CNNM1: variants seen among roughly 807,000 people sequenced by gnomAD.
CNNM1 encodes the protein metal transporter CNNM1.
Under a neutral mutation model 78.8 loss-of-function variants are expected in CNNM1, and 44 were observed. That is an observed-to-expected ratio of 0.56 (90% confidence interval 0.44 to 0.72). The LOEUF (loss-of-function observed/expected upper bound fraction) is 0.72, where lower values mean the gene tolerates loss of function less well. Among genes scored for constraint, CNNM1 ranks in the 30% least tolerant of loss-of-function variants. CNNM1 has a pLI of 0.00. For missense variants in CNNM1, 1,101 were observed against 1,292.2 expected (o/e 0.85, Z 2.27); for synonymous variants, 584 against 581.5 (o/e 1.00, Z -0.06).
chr10:99,343,106 G>A (rs951346233), intron 1 of CNNM1, among the ~76,000 whole-genome samples: 1 of 151,968 alleles, frequency 6.6e-6, no homozygotes, highest in Non-Finnish European at 1.5e-5. Flanking sequence ...GGGATTACAG[G>A]CGCCTGCCAC....
chr10:99,349,823 A>AC (rs1349741970), intron 1 of CNNM1, among the ~76,000 whole-genome samples: 2 of 152,126 alleles, frequency 1.3e-5, no homozygotes, highest in African/African-American at 2.4e-5. Flanking sequence ...ACACGGTGAA[A>AC]CCCCGTCTCT....
rs555814913 is a variant in CNNM1 at position 99,365,040 on chromosome 10, C to T, written c.2176+38C>T. 4.9e-5 allele frequency: 79 copies of T among 1,610,460 alleles called. No homozygotes were observed. In the East Asian group the frequency reaches 1.4e-3, roughly 29 times the overall value. On this transcript the variant is annotated intron_variant, in intron 6 of 10. Transcript: ENST00000356713. ...CAAACCCCTTCCTCGTCCTCCCCATCGTAGTCCTGCCTCAGCCCGCTCTGG... is the reference window on the plus strand; with the variant it reads ...CAAACCCCTTCCTCGTCCTCCCCATTGTAGTCCTGCCTCAGCCCGCTCTGG...
Position 99,360,858 on chromosome 10 carries a change from G to T in CNNM1, c.1741G>T (p.Val581Phe). The T allele has an allele frequency of 6.2e-6, 10 of 1,610,106 alleles. No individual in the cohort carries two copies. Among genetic ancestry groups the T allele is most frequent in the Non-Finnish European group, 8.5e-6 (10 of 1,176,976 alleles). The change falls in exon 3 of 11, where the codon GTC becomes TTC. Residue 581 changes from valine (V) to phenylalanine (F), a missense_variant. By Grantham distance (50) the Val-to-Phe change is conservative (BLOSUM62 -1). Around this residue, in one of 3 missense-constraint regions of CNNM1, gnomAD observed 277 missense variants for 423.2 expected, o/e 0.65. Coordinates refer to ENST00000356713, the MANE Select transcript of CNNM1 (RefSeq NM_020348.3). ...AGCTGACAATCGGAAAAAGCAGAGG[G>T]TCCCGCAACGGGAGCGGAAGCGGCA... The part of the protein sequence containing the change: ...LYTDNRKKQR[V>F]PQRERKRHDF...
At chr10:99,359,790 C>T (rs962209938) in intron 2 of CNNM1, among the ~76,000 whole-genome samples, 2 of 151,948 alleles carry the variant, frequency 1.3e-5, no homozygotes, top group Non-Finnish European at 2.9e-5. Flanking sequence ...TCTCTTTAGG[C>T]GAAGTTTGGA....
At chr10:99,360,357 GC>G (rs566808864) in intron 2 of CNNM1, among the ~76,000 whole-genome samples, 31 of 152,230 alleles carry the variant, frequency 2.0e-4, no homozygotes, top group Admixed American at 1.1e-3. Flanking sequence ...AATTCCCTGG[GC>G]CCCTGCAACC....
chr10:99,329,727 G>T lies in CNNM1; in HGVS notation c.340G>T (p.Gly114Cys). Residue 114 changes from glycine to cysteine, a missense_variant, in exon 1 of 11, where the codon GGC becomes TGC. By Grantham distance (159) the Gly-to-Cys change is radical. Coordinates refer to ENST00000356713, the MANE Select transcript of CNNM1 (RefSeq NM_020348.3). ...GCTCGTGTTCATCGAGGAGCCCCCGGGCGGTGGCGGCGTGGCCCCCAGCGC... is the reference window on the plus strand; with the variant it reads ...GCTCGTGTTCATCGAGGAGCCCCCGTGCGGTGGCGGCGTGGCCCCCAGCGC... ...PRLVFIEEPPGGGGVAPSAVP... is the reference protein window; with the variant it reads ...PRLVFIEEPPCGGGVAPSAVP... 1.3e-6 allele frequency: 2 copies of T among 1,515,980 alleles called. No homozygotes were observed. The highest frequency in any genetic ancestry group is 1.8e-6 in the Non-Finnish European group (2 of 1,141,788). The allele number at this position is 1,515,980 out of a possible 1,614,324, so 93.9% of individuals were successfully genotyped here.
intron 1 of CNNM1, among the ~76,000 whole-genome samples, chr10:99,332,528 AAG>A (rs1030338544): frequency 4.0e-5 from 6 of 151,244 alleles, no homozygotes; most frequent in African/African-American, 1.4e-4. Context: ...AAAAGAAAGA[AAG>A]AGAGAGAGAG....
intron 7 of CNNM1, among the ~76,000 whole-genome samples, chr10:99,380,939 A>G (rs1473727190): frequency 6.6e-6 from 1 of 152,174 alleles, no homozygotes; most frequent in East Asian, 1.9e-4. Flanking sequence ...TGAAAACCCC[A>G]AGTCCCAGGT....
At chr10:99,363,740 C>CTTTTT (rs869281521) in intron 4 of CNNM1, among the ~76,000 whole-genome samples, 11 of 121,894 alleles carry the variant, frequency 9.0e-5, no homozygotes, top group Non-Finnish European at 1.2e-4. Context: ...TAGATTTTAT[C>CTTTTT]TTTTTTTTTT....
chr10:99,347,600 A>ACACACACACACACACACACACACAC (rs2030753613), intron 1 of CNNM1, among the ~76,000 whole-genome samples: 1 of 15,848 alleles, frequency 6.3e-5, no homozygotes, highest in Admixed American at 3.8e-4. Context: ...CACACACACA[A>ACACACACACACACACACACACACAC]ATGTTGCAAT....
At chr10:99,374,704 G>A (rs1173910345) in intron 6 of CNNM1, among the ~76,000 whole-genome samples, 3 of 152,120 alleles carry the variant, frequency 2.0e-5, no homozygotes, top group East Asian at 3.8e-4. Context: ...TCATTGTATC[G>A]CCCTGTGGGA....
chr10:99,335,158 A>G (rs896996309), intron 1 of CNNM1, among the ~76,000 whole-genome samples: 3 of 152,232 alleles, frequency 2.0e-5, no homozygotes, highest in Non-Finnish European at 4.4e-5. Flanking sequence ...ATGTAGCTTT[A>G]TAATTACAGT....
At chr10:99,368,584 G>C (rs780840833) in intron 6 of CNNM1, 3 of 1,276,020 alleles carry the variant, frequency 2.4e-6, no homozygotes, top group Non-Finnish European at 3.1e-6. Context: ...CTTCCCTTTC[G>C]CAACTCACAA....
chr10:99,346,806 A>T (rs1199625186), intron 1 of CNNM1, among the ~76,000 whole-genome samples: 1 of 151,944 alleles, frequency 6.6e-6, no homozygotes, highest in Non-Finnish European at 1.5e-5. Context: ...ATGGGCTTTC[A>T]CTATGTTGTC....
intron 1 of CNNM1, among the ~76,000 whole-genome samples, chr10:99,342,122 TGA>T (rs2030484442): frequency 1.3e-5 from 2 of 152,228 alleles, no homozygotes; most frequent in South Asian, 4.1e-4. Context: ...ATAAACTAAG[TGA>T]ATACCATGTT....
At chr10:99,376,948 C>A in intron 6 of CNNM1, 107 bp from the exon 7 acceptor site, 1 of 1,087,580 alleles carries the variant, frequency 9.2e-7, no homozygotes, top group Non-Finnish European at 1.3e-6. Context: ...CTTATGGGAC[C>A]TCAGTAAACA....
At position 99,357,741 on chromosome 10, in the gene CNNM1, G is replaced by A. The variant is rs1218046911; in HGVS notation, c.1717+86G>A. The A allele has an allele frequency of 4.4e-6, 6 of 1,361,030 alleles. No homozygotes were observed. The African/African-American group carries it at 8.8e-5, about 20-fold the overall frequency. 84.3% of individuals were successfully genotyped at this position (1,361,030 alleles called of 1,614,324 possible). A position where few individuals can be genotyped will look rare whatever the true frequency, so the allele number is the denominator to read the frequency against. On this transcript the variant is annotated intron_variant, in intron 2 of 10. Transcript: ENST00000356713. ...TAAAGCCTCATTTGATTTATAGAAA[G>A]GGTGTCAGGGCAAACCCTGTGCCCT...
At chr10:99,351,681 T>C (rs2030954875) in intron 1 of CNNM1, among the ~76,000 whole-genome samples, 1 of 152,186 alleles carries the variant, frequency 6.6e-6, no homozygotes, top group African/African-American at 2.4e-5. Flanking sequence ...TGCACAAAAC[T>C]CATAATACGG....
intron 1 of CNNM1, among the ~76,000 whole-genome samples, chr10:99,349,365 G>A (rs900154634): frequency 1.3e-5 from 2 of 152,090 alleles, no homozygotes; most frequent in African/African-American, 4.8e-5. Context: ...CGAGAATCAC[G>A]AGTCGGAGTC....
Sources: gnomAD v4.1 joint callset for allele counts (sites outside exome capture counted in the v4.1 genomes callset) on GRCh38, gnomAD v4.1.1 for gene constraint, gnomAD v4.1.1 regional missense constraint, MANE v1.5 for transcripts, NCBI Gene and HGNC (gene_info 2026-07-23, HGNC 2026-07-21) for gene names.